TPRG1: variants seen among roughly 807,000 people sequenced by gnomAD.
TPRG1 encodes tumor protein p63 regulated 1, also known as tumor protein p63-regulated gene 1 protein.
Under a neutral mutation model 29.3 loss-of-function variants are expected in TPRG1, and 29 were observed. That is an observed-to-expected ratio of 0.99 (90% CI 0.74 to 1.35). The LOEUF (loss-of-function observed/expected upper bound fraction) is 1.35. Among genes scored for constraint, TPRG1 ranks in the 40% most tolerant of loss-of-function variants. The pLI, the probability that TPRG1 is intolerant of heterozygous loss-of-function variation, is 0.00. For synonymous variants in TPRG1, 130 were observed against 116.8 expected, an observed-to-expected ratio of 1.11 and a Z score of -0.73; for missense variants, 327 against 335.0, an observed-to-expected ratio of 0.98 and a Z score of 0.19.
At chr3:189,125,854 TG>T (rs1722409102) in intron 1 of TPRG1, among the ~76,000 whole-genome samples, 1 of 150,860 alleles carries the variant, frequency 6.6e-6, no homozygotes, top group African/African-American at 2.4e-5. Flanking sequence ...TGTGTGTGTG[TG>T]TGTGTGTGTG....
At chr3:189,023,087 C>T (rs970846927) in intron 3 of TPRG1, among the ~76,000 whole-genome samples, 1 of 152,234 alleles carries the variant, frequency 6.6e-6, no homozygotes, top group Non-Finnish European at 1.5e-5. Context: ...TGCTTTGGCT[C>T]GCGCATGGTG....
intron 1 of TPRG1, among the ~76,000 whole-genome samples, chr3:189,190,378 G>T (rs147075700): frequency 1.3e-3 from 200 of 152,232 alleles, no homozygotes; most frequent in Middle Eastern, 6.8e-3. Flanking sequence ...GGTCTCCTTG[G>T]TCTTCTGGGA....
intron 3 of TPRG1, among the ~76,000 whole-genome samples, chr3:189,134,296 T>C (rs1578474167): frequency 1.3e-5 from 2 of 152,264 alleles, no homozygotes; most frequent in South Asian, 4.1e-4. Context: ...GCAGTTTAAG[T>C]TGTATGTTCA....
chr3:189,025,322 G>A (rs1713599204), intron 4 of TPRG1, among the ~76,000 whole-genome samples: 1 of 152,228 alleles, frequency 6.6e-6, no homozygotes. Flanking sequence ...CTTGGCTTGG[G>A]GTGGGGGTTC....
At chr3:189,314,006 G>T (rs973328255) in intron 5 of TPRG1, among the ~76,000 whole-genome samples, 9 of 152,312 alleles carry the variant, frequency 5.9e-5, no homozygotes, top group African/African-American at 2.2e-4. Context: ...GGAAGGGAAA[G>T]AAGATGAGGA....
At chr3:189,250,443 A>G (rs1453434436) in intron 4 of TPRG1, among the ~76,000 whole-genome samples, 1 of 147,030 alleles carries the variant, frequency 6.8e-6, no homozygotes, top group Non-Finnish European at 1.5e-5. Context: ...CTAATGACAT[A>G]ACTTGAAAGC....
At chr3:189,099,499 G>A (rs1311090544), upstream of TPRG1, among the ~76,000 whole-genome samples, 4 of 152,066 alleles carry the variant, frequency 2.6e-5, no homozygotes, top group Non-Finnish European at 5.9e-5. Context: ...CCAGGAAGCC[G>A]CTTCCTCCTG....
chr3:189,048,832 G>A (rs1447102333), intron 4 of TPRG1, among the ~76,000 whole-genome samples: 2 of 152,288 alleles, frequency 1.3e-5, no homozygotes. Flanking sequence ...AACTGCAGAA[G>A]AGCGAAAGGG....
chr3:189,262,916 C>T (rs1713382974), intron 4 of TPRG1, among the ~76,000 whole-genome samples: 1 of 152,226 alleles, frequency 6.6e-6, no homozygotes, highest in South Asian at 2.1e-4. Context: ...CCATGTGGGC[C>T]TTTCCGTGAG....
chr3:189,208,324 T>C (rs1488937026), intron 2 of TPRG1, among the ~76,000 whole-genome samples: 3 of 152,206 alleles, frequency 2.0e-5, no homozygotes, highest in African/African-American at 7.2e-5. Flanking sequence ...CAGTCATGGT[T>C]AGCTTAGAGG....
chr3:189,001,720 C>T lies in TPRG1; in HGVS notation c.-878+809C>T, dbSNP rs79541125. Reference sequence around the variant, plus strand: ...AAGACAAGATGAGCTCCATGACTCACTTCCTTGGCTCAAGATATGGAAGTC... The same window carrying T: ...AAGACAAGATGAGCTCCATGACTCATTTCCTTGGCTCAAGATATGGAAGTC... On this transcript the variant is annotated intron_variant, in intron 2 of 10. Coordinates refer to the TPRG1 transcript ENST00000433971. Among the ~76,000 whole-genome samples the T allele has an allele frequency of 4.3e-3, 660 of 152,128 alleles. 3 individuals are homozygous for T. Among genetic ancestry groups the T allele is most frequent in the Non-Finnish European group, 7.5e-3 (513 of 67,956 alleles).
intron 4 of TPRG1, among the ~76,000 whole-genome samples, chr3:189,256,961 T>C (rs1241416497): frequency 6.6e-6 from 1 of 152,148 alleles, no homozygotes; most frequent in Non-Finnish European, 1.5e-5. Flanking sequence ...TTTATCTAAT[T>C]TGCCAATCTG....
intron 3 of TPRG1, among the ~76,000 whole-genome samples, chr3:189,022,885 G>C (rs947097497): frequency 1.3e-5 from 2 of 152,238 alleles, no homozygotes; most frequent in African/African-American, 4.8e-5. Flanking sequence ...GCGAGACTCC[G>C]TGGGGTAGGA....
chr3:189,261,427 A>T (rs980755531), intron 4 of TPRG1, among the ~76,000 whole-genome samples: 20 of 151,742 alleles, frequency 1.3e-4, no homozygotes, highest in African/African-American at 4.8e-4. Context: ...AAAAAAAAAA[A>T]GAAAAAAGCC....
Position 189,154,810 on chromosome 3 carries a change from TAAAA to T in TPRG1, c.-10+3939_-10+3942del, listed in dbSNP as rs534112785. Among the ~76,000 whole-genome samples the T allele has an allele frequency of 2.6e-5, 4 of 151,942 alleles. No homozygotes were observed. The South Asian group carries it at 8.3e-4, about 32-fold the overall frequency. The stretch of plus-strand genomic sequence containing the variant: ...GTTGAGACAAAAAATAATAGGTAAA[TAAAA>T]CACATAGTACATCAGACGGTGACAA... On this transcript the variant is annotated intron_variant, in intron 5 of 6. Coordinates refer to the TPRG1 transcript ENST00000412373.
intron 4 of TPRG1, among the ~76,000 whole-genome samples, chr3:189,297,349 C>T: frequency 6.6e-6 from 1 of 152,172 alleles, no homozygotes; most frequent in Non-Finnish European, 1.5e-5. Flanking sequence ...CCTTTCACTT[C>T]TCATTCAATA....
upstream of TPRG1, among the ~76,000 whole-genome samples, chr3:189,098,382 C>T (rs1718829114): frequency 6.6e-6 from 1 of 152,102 alleles, no homozygotes; most frequent in African/African-American, 2.4e-5. Flanking sequence ...ACCAGGAGAT[C>T]TGGGTTCAGC....
Position 189,200,142 on chromosome 3 carries a change from C to T in TPRG1, c.-9-7234C>T, listed in dbSNP as rs551743223. 5.9e-5 allele frequency among the ~76,000 whole-genome samples: 9 copies of T among 152,292 alleles called. No individual in the cohort carries two copies. In the South Asian group the frequency reaches 1.9e-3, roughly 32 times the overall value. On this transcript the variant is annotated intron_variant, in intron 1 of 5. Coordinates refer to ENST00000345063, the MANE Select transcript of TPRG1 (RefSeq NM_198485.4). Reference sequence around the variant, plus strand: ...TGAGTCGAAGCACTTTATAGCAGAGCAGAGGACTCTGCCTGGCCCAGGTGG... The same window carrying T: ...TGAGTCGAAGCACTTTATAGCAGAGTAGAGGACTCTGCCTGGCCCAGGTGG...
At chr3:189,239,854 T>C (rs1379496055) in intron 4 of TPRG1, among the ~76,000 whole-genome samples, 2 of 152,110 alleles carry the variant, frequency 1.3e-5, no homozygotes, top group Non-Finnish European at 2.9e-5. Flanking sequence ...CTTGGTGAGG[T>C]CTACAGAGGA....
Sources: allele counts gnomAD v4.1 joint callset (sites outside exome capture counted in the v4.1 genomes callset), GRCh38; gene constraint gnomAD v4.1.1; transcripts MANE v1.5; gene names NCBI Gene and HGNC (gene_info 2026-07-23, HGNC 2026-07-21).